The following MGST3 variants were observed in gnomAD, a reference collection of about 807,000 sequenced individuals.
MGST3 encodes the protein microsomal glutathione S-transferase 3.
A neutral mutation model predicts 15.8 loss-of-function variants in MGST3; 13 were observed. That is an observed-to-expected ratio of 0.82 (90% CI 0.54 to 1.31). The LOEUF is 1.31. MGST3 is among the 50% of genes most tolerant of loss of function. The pLI is 0.00. For missense variants in MGST3, 155 were observed against 192.4 expected (o/e 0.81, Z 1.15); for synonymous variants, 49 against 68.1 (o/e 0.72, Z 1.38).
intron 1 of MGST3, chr1:165,645,593 T>G (rs1049415584): frequency 2.6e-5 from 4 of 152,206 alleles, no homozygotes; most frequent in African/African-American, 9.6e-5. Flanking sequence ...CTGTACATAA[T>G]TATACATGCT....
intron 1 of MGST3, among the ~76,000 whole-genome samples, chr1:165,640,170 A>G (rs777671055): frequency 2.0e-5 from 3 of 152,168 alleles, no homozygotes; most frequent in Non-Finnish European, 2.9e-5. Flanking sequence ...TGGTAACCCA[A>G]TGGTGGTCAC....
At chr1:165,633,769 T>C (rs530968069) in intron 1 of MGST3, among the ~76,000 whole-genome samples, 1 of 152,324 alleles carries the variant, frequency 6.6e-6, no homozygotes, top group South Asian at 2.1e-4. Context: ...TTCGAGATTT[T>C]TTTTTTTCCT....
Position 165,652,008 on chromosome 1 carries a change from T to A in MGST3, c.222T>A (p.Phe74Leu). 2 of 1,614,046 alleles carry A rather than the reference T, an allele frequency of 1.2e-6. No individual in the cohort carries two copies. The highest frequency in any genetic ancestry group is 2.2e-5 in the South Asian group (2 of 91,080). The change falls in exon 4 of 6, where the codon TTT (phenylalanine) becomes TTA (leucine). Residue 74 changes from phenylalanine (F) to leucine (L), a missense_variant. By Grantham distance (22) the Phe-to-Leu change is conservative. Transcript: ENST00000367889. ...TLEVYPPFLF[F>L]LAVGGVYHPR... ...AAGTGTATCCTCCCTTCTTATTTTTTCTAGCTGTTGGAGGTGTTTACCACC... is the reference window on the plus strand; with the variant it reads ...AAGTGTATCCTCCCTTCTTATTTTTACTAGCTGTTGGAGGTGTTTACCACC...
intron 1 of MGST3, among the ~76,000 whole-genome samples, chr1:165,644,864 T>A (rs986010356): frequency 2.0e-5 from 3 of 152,168 alleles, no homozygotes; most frequent in African/African-American, 7.2e-5. Context: ...ATTCAAGCAG[T>A]TCTCCTGCCT....
At chr1:165,636,127 C>T (rs1322922698) in intron 1 of MGST3, among the ~76,000 whole-genome samples, 3 of 152,106 alleles carry the variant, frequency 2.0e-5, no homozygotes, top group Non-Finnish European at 4.4e-5. Context: ...GTAGTCTGAA[C>T]CCAAAGAAAT....
Position 165,654,160 on chromosome 1 carries a change from G to C in MGST3, c.250-119G>C, listed in dbSNP as rs1157240571. On this transcript the variant is annotated intron_variant, in intron 4 of 5. Transcript: ENST00000367889. ...TTCTACCTAATTTGCGTGGGGAGTA[G>C]TTGGCCAAATCATCAAATTGTTAAC... 6.4e-6 allele frequency: 6 copies of C among 936,454 alleles called. No individual in the cohort carries two copies. In the African/African-American group the frequency reaches 9.7e-5, roughly 15 times the overall value. The allele number at this position is 936,454 out of a possible 1,614,324, so 58.0% of individuals were successfully genotyped here. A position where few individuals can be genotyped will look rare whatever the true frequency, so the allele number is the denominator to read the frequency against.
intron 1 of MGST3, chr1:165,632,107 A>T: frequency 1.3e-6 from 1 of 745,778 alleles, no homozygotes; most frequent in South Asian, 1.7e-5. Context: ...CTTGAGAGTC[A>T]CGAGTTTACA....
At chr1:165,638,338 G>A (rs1648169659) in intron 1 of MGST3, among the ~76,000 whole-genome samples, 1 of 151,452 alleles carries the variant, frequency 6.6e-6, no homozygotes, top group Non-Finnish European at 1.5e-5. Flanking sequence ...AAATTAGCTG[G>A]GCATGGTGGC....
At chr1:165,640,843 C>T (rs1236770642) in intron 1 of MGST3, among the ~76,000 whole-genome samples, 1 of 152,336 alleles carries the variant, frequency 6.6e-6, no homozygotes, top group East Asian at 1.9e-4. Context: ...CAGCCGGGAT[C>T]CTGATGCAAC....
intron 1 of MGST3, among the ~76,000 whole-genome samples, chr1:165,640,023 T>C (rs1041797858): frequency 4.6e-5 from 7 of 152,136 alleles, no homozygotes; most frequent in Non-Finnish European, 8.8e-5. Context: ...TCCATGGTAT[T>C]AGAAGGGATG....
chr1:165,653,952 G>C (rs1648630343), intron 4 of MGST3: 1 of 373,964 alleles, frequency 2.7e-6, no homozygotes, highest in African/African-American at 2.2e-5. Context: ...CCTGAGACCG[G>C]CTGGCCCACA....
chr1:165,650,041 C>T, intron 2 of MGST3, 77 bp downstream of exon 2: 1 of 1,600,322 alleles, frequency 6.2e-7, no homozygotes, highest in South Asian at 1.1e-5. Context: ...TATTTTCAGC[C>T]ATGGAGGGAG....
chr1:165,653,777 A>AC (rs1448870957), intron 4 of MGST3: 3 of 174,798 alleles, frequency 1.7e-5, no homozygotes, highest in Admixed American at 1.1e-4. Context: ...GTGGAGCTAC[A>AC]CCCCCAGTGT....
intron 1 of MGST3, among the ~76,000 whole-genome samples, chr1:165,634,603 C>T (rs774697219): frequency 1.3e-5 from 2 of 152,080 alleles, no homozygotes; most frequent in Non-Finnish European, 2.9e-5. Flanking sequence ...TTTTCTTTAC[C>T]TGTGTTCTCT....
intron 1 of MGST3, among the ~76,000 whole-genome samples, chr1:165,640,760 C>T (rs1420632517): frequency 6.6e-6 from 1 of 152,218 alleles, no homozygotes; most frequent in East Asian, 1.9e-4. Flanking sequence ...GAGACACGCT[C>T]TCTGTCCTCA....
chr1:165,651,859 C>T, intron 3 of MGST3, 119 bp from the exon 4 acceptor site: 1 of 654,856 alleles, frequency 1.5e-6, no homozygotes, highest in Non-Finnish European at 2.6e-6. Context: ...CATGCCACTG[C>T]ATTCCAGCCT....
At position 165,654,267 on chromosome 1, in the gene MGST3, C is replaced by T; in HGVS notation, c.250-12C>T. ...CTTTCATGCAAATACTAATGTAGCC[C>T]TTTTTTCTTAGCGTATAGCTTCTGG... is the stretch of plus-strand genomic sequence containing the variant. On this transcript the variant is annotated splice_polypyrimidine_tract_variant and intron_variant, in intron 4 of 5. Transcript: ENST00000367889. 6.2e-7 allele frequency: 1 copy of T among 1,613,790 alleles called. No homozygotes were observed. The highest frequency in any genetic ancestry group is 8.5e-7 in the Non-Finnish European group (1 of 1,179,766).
intron 1 of MGST3, chr1:165,632,251 G>A (rs1647974957): frequency 5.6e-6 from 9 of 1,612,616 alleles, no homozygotes; most frequent in African/African-American, 1.3e-5. Context: ...TGCCCTGGAG[G>A]GGAAGGCGCT....
At chr1:165,647,647 T>G (rs1275625383) in intron 1 of MGST3, 1 of 152,168 alleles carries the variant, frequency 6.6e-6, no homozygotes, top group African/African-American at 2.4e-5. Context: ...GAAAGCTCAC[T>G]CTACTGATTT....
Sources: gnomAD v4.1 joint callset for allele counts (sites outside exome capture counted in the v4.1 genomes callset) on GRCh38, gnomAD v4.1.1 for gene constraint, MANE v1.5 for transcripts, NCBI Gene and HGNC (gene_info 2026-07-23, HGNC 2026-07-21) for gene names.